The following GALNT13 variants were observed in gnomAD, a reference collection of about 807,000 sequenced individuals.
The protein encoded by GALNT13 is UDP-GalNAc:polypeptide N-acetylgalactosaminyltransferase 13.
Under a neutral mutation model 64.2 loss-of-function variants are expected in GALNT13, and 28 were observed. The ratio of observed to expected loss-of-function variants is 0.44; its 90% CI spans 0.32 to 0.60. The LOEUF (loss-of-function observed/expected upper bound fraction) is 0.60, where lower values mean the gene tolerates loss of function less well. Ranked by LOEUF, GALNT13 falls within the 20% of genes least tolerant of loss-of-function variation. The probability of loss-of-function intolerance (pLI) is 0.05; values close to 1 mark genes in which losing one functional copy is unlikely to be tolerated. For synonymous variants in GALNT13, 214 were observed against 224.6 expected (o/e 0.95, Z 0.42); for missense variants, 577 against 669.8 (o/e 0.86, Z 1.53).
the GALNT13 span, among the ~76,000 whole-genome samples, chr2:153,811,400 G>T: frequency 6.6e-6 from 1 of 152,138 alleles, no homozygotes; most frequent in African/African-American, 2.4e-5. Flanking sequence ...TTTACTGGTT[G>T]CTGAGAAACT....
At chr2:153,257,780 T>A in the GALNT13 span, among the ~76,000 whole-genome samples, 2 of 152,202 alleles carry the variant, frequency 1.3e-5, no homozygotes, top group East Asian at 3.9e-4. Flanking sequence ...AATATAGTTA[T>A]TTGTACAAGT....
intron 2 of GALNT13, among the ~76,000 whole-genome samples, chr2:153,942,731 A>T (rs1691425840): frequency 6.6e-6 from 1 of 151,920 alleles, no homozygotes. Context: ...TGTAAATGTA[A>T]TTTTTTTGTA....
the GALNT13 span, among the ~76,000 whole-genome samples, chr2:153,092,359 T>G: frequency 2.0e-5 from 3 of 152,214 alleles, no homozygotes; most frequent in African/African-American, 7.2e-5. Context: ...TAGGATCTTT[T>G]TTTCTATTTC....
the GALNT13 span, among the ~76,000 whole-genome samples, chr2:153,240,891 G>A: frequency 1.3e-5 from 2 of 152,064 alleles, no homozygotes; most frequent in African/African-American, 2.4e-5. Flanking sequence ...TGGGGTGTCT[G>A]TCTTAGTTCA....
At chr2:153,084,209 G>T in the GALNT13 span, among the ~76,000 whole-genome samples, 15 of 152,024 alleles carry the variant, frequency 9.9e-5, no homozygotes, top group Non-Finnish European at 1.2e-4. Flanking sequence ...GTCTTGTTTT[G>T]GCTATGTGGG....
chr2:153,144,255 G>C, the GALNT13 span, among the ~76,000 whole-genome samples: 3 of 151,952 alleles, frequency 2.0e-5, no homozygotes, highest in Admixed American at 6.6e-5. Flanking sequence ...AGCAGGTCCT[G>C]AAGGAAAGGA....
chr2:154,353,672 C>G (rs1000119095), intron 9 of GALNT13, among the ~76,000 whole-genome samples: 4 of 152,078 alleles, frequency 2.6e-5, no homozygotes, highest in African/African-American at 9.7e-5. Flanking sequence ...AACATTTTTT[C>G]TTTCAGTGTC....
chr2:153,234,526 A>C, the GALNT13 span, among the ~76,000 whole-genome samples: 2 of 152,300 alleles, frequency 1.3e-5, no homozygotes, highest in African/African-American at 2.4e-5. Flanking sequence ...GCAGATAGAC[A>C]CAATGATGTT....
intron 11 of GALNT13, among the ~76,000 whole-genome samples, chr2:154,409,859 GCA>G (rs1266867366): frequency 6.6e-6 from 1 of 151,860 alleles, no homozygotes; most frequent in Admixed American, 6.6e-5. Context: ...ATCCTGTCCA[GCA>G]CAATTATGGT....
intron 3 of GALNT13, among the ~76,000 whole-genome samples, chr2:154,126,254 C>T (rs1479324292): frequency 2.0e-5 from 3 of 152,026 alleles, no homozygotes; most frequent in Admixed American, 6.6e-5. Flanking sequence ...GTAAACTCAA[C>T]TTTATTTTGT....
chr2:153,196,388 C>T, the GALNT13 span, among the ~76,000 whole-genome samples: 1 of 152,102 alleles, frequency 6.6e-6, no homozygotes, highest in Non-Finnish European at 1.5e-5. Flanking sequence ...GTTAGCACTG[C>T]CCTGAATGTG....
the GALNT13 span, among the ~76,000 whole-genome samples, chr2:153,335,224 AAGTT>A: frequency 6.6e-6 from 1 of 152,190 alleles, no homozygotes; most frequent in African/African-American, 2.4e-5. Context: ...CTAATACAGT[AAGTT>A]GGTATCAGTA....
At chr2:153,587,058 C>T in the GALNT13 span, among the ~76,000 whole-genome samples, 1 of 151,538 alleles carries the variant, frequency 6.6e-6, no homozygotes. Context: ...GTGGTAAAAC[C>T]CCATCTCTAC....
At chr2:153,215,929 A>G in the GALNT13 span, among the ~76,000 whole-genome samples, 3 of 152,020 alleles carry the variant, frequency 2.0e-5, no homozygotes, top group African/African-American at 7.2e-5. Flanking sequence ...CAACAGTCAT[A>G]ATATGGAAGA....
the GALNT13 span, among the ~76,000 whole-genome samples, chr2:153,547,076 G>A: frequency 1.3e-5 from 2 of 152,202 alleles, no homozygotes; most frequent in Non-Finnish European, 2.9e-5. Flanking sequence ...GTACAAGATG[G>A]ATGAAGTAGA....
intron 9 of GALNT13, among the ~76,000 whole-genome samples, chr2:154,366,385 T>TTAA (rs1697364923): frequency 6.6e-6 from 1 of 152,202 alleles, no homozygotes; most frequent in East Asian, 1.9e-4. Flanking sequence ...GCTATATATG[T>TTAA]AATTAACATA....
At chr2:154,330,774 T>G in intron 9 of GALNT13, among the ~76,000 whole-genome samples, 1 of 152,084 alleles carries the variant, frequency 6.6e-6, no homozygotes, top group East Asian at 1.9e-4. Flanking sequence ...CTGTCTAATA[T>G]AGTGAACCTG....
At chr2:153,376,304 C>T in the GALNT13 span, among the ~76,000 whole-genome samples, 2 of 152,210 alleles carry the variant, frequency 1.3e-5, 1 homozygote, top group East Asian at 3.9e-4. Flanking sequence ...ACTTAAACAT[C>T]GTTCAGTATC....
At chr2:153,298,791 G>T in the GALNT13 span, among the ~76,000 whole-genome samples, 3 of 152,184 alleles carry the variant, frequency 2.0e-5, no homozygotes, top group Admixed American at 6.5e-5. Flanking sequence ...AAGCAGTTTA[G>T]CACTTGCAAG....
Sources: gnomAD v4.1 joint callset for allele counts (sites outside exome capture counted in the v4.1 genomes callset) on GRCh38, gnomAD v4.1.1 for gene constraint, MANE v1.5 for transcripts, NCBI Gene and HGNC (gene_info 2026-07-23, HGNC 2026-07-21) for gene names.